Variants in VEZT observed in about 807,000 individuals in gnomAD.
VEZT encodes the protein vezatin.
In VEZT, 39 loss-of-function variants were observed where a neutral mutation model predicts 79.9. The observed-to-expected ratio is 0.49, with a 90% CI of 0.38 to 0.64. VEZT has a LOEUF of 0.64. VEZT is among the 30% of genes least tolerant of loss of function. The probability of loss-of-function intolerance (pLI) is 0.00; values close to 1 mark genes in which losing one functional copy is unlikely to be tolerated. For missense variants in VEZT, 837 were observed against 893.1 expected (o/e 0.94, Z 0.80); for synonymous variants, 325 against 327.6 (o/e 0.99, Z 0.09).
In VEZT at chr12:95,217,858, C is replaced by T; in HGVS notation, c.8C>T (p.Pro3Leu). Residue 3 changes from proline to leucine, a missense_variant, in exon 1 of 12, where the codon CCG becomes CTG. By Grantham distance (98) the Pro-to-Leu change is moderately conservative. Coordinates refer to ENST00000436874, the MANE Select transcript of VEZT (RefSeq NM_017599.4). The part of the protein sequence containing the change: MT[P>L]EFDEEVVFEN... ...GTGGCATGGCGGAGAAGGATGACAC[C>T]GGAGTTTGACGAAGAGGTGGTTTTT... The T allele has an allele frequency of 3.9e-6, 6 of 1,533,906 alleles. No homozygotes were observed. The highest frequency in any genetic ancestry group is 4.4e-6 in the Non-Finnish European group (5 of 1,146,072).
intron 1 of VEZT, 49 bp downstream of exon 1, chr12:95,217,935 C>A: frequency 6.9e-7 from 1 of 1,448,658 alleles, no homozygotes; most frequent in South Asian, 1.5e-5. Context: ...TTGAGAAGGA[C>A]GAGACGGAAA....
chr12:95,284,583 A>T (rs2070109001), intron 8 of VEZT, among the ~76,000 whole-genome samples: 1 of 152,210 alleles, frequency 6.6e-6, no homozygotes, highest in Non-Finnish European at 1.5e-5. Flanking sequence ...GTTTGTCATA[A>T]CCTGACTACA....
rs540675681 is a variant in VEZT at position 95,283,376 on chromosome 12, C to G, written c.1328+732C>G. 2.6e-5 allele frequency among the ~76,000 whole-genome samples: 4 copies of G among 152,250 alleles called. No homozygotes were observed. In the South Asian group the frequency reaches 8.3e-4, roughly 32 times the overall value. On this transcript the variant is annotated intron_variant, in intron 8 of 11. Transcript: ENST00000436874. ...GAAATTTTTCTCTAACAGTTAAATA[C>G]TCATCGTGTAGGACTGGATCAAATG...
chr12:95,220,139 C>T (rs971858925), intron 1 of VEZT, among the ~76,000 whole-genome samples: 1 of 152,116 alleles, frequency 6.6e-6, no homozygotes, highest in Non-Finnish European at 1.5e-5. Context: ...TGAGCACACC[C>T]ATGTAACCAG....
At chr12:95,266,674 T>C in intron 5 of VEZT, 42 bp downstream of exon 5, 1 of 1,512,670 alleles carries the variant, frequency 6.6e-7, no homozygotes, top group Non-Finnish European at 8.8e-7. Flanking sequence ...GATTATTTTC[T>C]ATTCCATAAA....
At chr12:95,277,994 G>A (rs2068138238) in intron 7 of VEZT, among the ~76,000 whole-genome samples, 1 of 152,192 alleles carries the variant, frequency 6.6e-6, no homozygotes, top group African/African-American at 2.4e-5. Context: ...TCTAGCTTAA[G>A]TATAGGCAGC....
chr12:95,293,880 TAGTACCA>T (rs151248678), intron 9 of VEZT: 1,955 of 162,116 alleles, frequency 0.012, 43 homozygotes, highest in African/African-American at 0.044. Context: ...GACAAAGTAT[TAGTACCA>T]AGGATTTTTT....
chr12:95,286,727 C>A, intron 8 of VEZT: 1 of 408,514 alleles, frequency 2.4e-6, no homozygotes, highest in South Asian at 2.0e-5. Context: ...CCCTGCGTGT[C>A]TATCTAGTAC....
intron 1 of VEZT, chr12:95,245,447 G>A (rs571170188): frequency 4.4e-5 from 20 of 453,828 alleles, no homozygotes; most frequent in Middle Eastern, 3.3e-4. Flanking sequence ...TTGATGAACC[G>A]TGGTTTTATC....
chr12:95,229,355 A>G (rs907908762), intron 1 of VEZT, among the ~76,000 whole-genome samples: 2 of 152,212 alleles, frequency 1.3e-5, no homozygotes, highest in Admixed American at 6.5e-5. Flanking sequence ...ATGTGCAGCT[A>G]TATTGAAGGT....
rs1169321066 is a variant in VEZT at position 95,289,097 on chromosome 12, T to TAAAAAAA, written c.1522+1243_1522+1244insAAAAAAA. On this transcript the variant is annotated intron_variant, in intron 9 of 11. Coordinates refer to ENST00000436874, the MANE Select transcript of VEZT (RefSeq NM_017599.4). ...ACTCCGTCTCAAAAAAAAAAATAAA[T>TAAAAAAA]AAATAAATAAATAAATAAATAAATA... is the stretch of plus-strand genomic sequence containing the variant. 1.0e-4 allele frequency among the ~76,000 whole-genome samples: 12 copies of TAAAAAAA among 116,520 alleles called. 1 individual carries two copies. The highest frequency in any genetic ancestry group is 1.9e-4 in the Non-Finnish European group (10 of 52,398). 76.4% of individuals were successfully genotyped at this position (116,520 alleles called of 152,430 possible).
At chr12:95,257,685 C>A (rs931617287) in intron 3 of VEZT, among the ~76,000 whole-genome samples, 5 of 152,130 alleles carry the variant, frequency 3.3e-5, no homozygotes, top group Admixed American at 2.0e-4. Context: ...GGAAATACTT[C>A]AACCTTCTGA....
rs186844694 is a variant in VEZT, at chr12:95,239,657, A to G, written c.37-12283A>G. ...AGCTCGGAGGGTTCAGACAGACAGA[A>G]TAAGTGACATAAGGCCCAGCACGGT... On this transcript the variant is annotated intron_variant, in intron 1 of 11. Coordinates refer to ENST00000436874, the MANE Select transcript of VEZT (RefSeq NM_017599.4). Among the ~76,000 whole-genome samples, 7 of 152,252 alleles carry G rather than the reference A, an allele frequency of 4.6e-5. No individual in the cohort carries two copies. The East Asian group carries it at 1.2e-3, about 25-fold the overall frequency.
chr12:95,246,682 T>A (rs1051334795), intron 1 of VEZT, among the ~76,000 whole-genome samples: 4 of 152,202 alleles, frequency 2.6e-5, no homozygotes, highest in African/African-American at 9.6e-5. Flanking sequence ...CAGCTAAAAC[T>A]TACAGGAATA....
chr12:95,298,586 C>T (rs1341879103), intron 11 of VEZT, among the ~76,000 whole-genome samples: 1 of 152,158 alleles, frequency 6.6e-6, no homozygotes, highest in East Asian at 1.9e-4. Context: ...TGTTATATGT[C>T]AGGCACTGTT....
chr12:95,292,853 T>A (rs1402374776), intron 9 of VEZT, among the ~76,000 whole-genome samples: 6 of 143,586 alleles, frequency 4.2e-5, no homozygotes, highest in Non-Finnish European at 6.1e-5. Flanking sequence ...GGCCCTTTTT[T>A]TTTTTTTTTT....
At chr12:95,265,964 G>A (rs1218707783) in intron 4 of VEZT, among the ~76,000 whole-genome samples, 4 of 152,172 alleles carry the variant, frequency 2.6e-5, no homozygotes, top group East Asian at 1.9e-4. Flanking sequence ...TCCTGCAGGC[G>A]ATGGGTGGTA....
Position 95,281,024 on chromosome 12 carries a change from A to G in VEZT, c.997-1289A>G, listed in dbSNP as rs118010267. 1.1e-3 allele frequency among the ~76,000 whole-genome samples: 166 copies of G among 152,316 alleles called. No homozygotes were observed. In the East Asian group the frequency reaches 0.029, roughly 27 times the overall value. ...ATTTTAAAATTCATTTACTAAAACC[A>G]TCTAAATACTGTCTATTTTCATGGT... On this transcript the variant is annotated intron_variant, in intron 7 of 11. Transcript: ENST00000436874.
intron 9 of VEZT, among the ~76,000 whole-genome samples, chr12:95,288,632 A>G (rs967221319): frequency 1.3e-5 from 2 of 152,222 alleles, no homozygotes; most frequent in Non-Finnish European, 2.9e-5. Flanking sequence ...CTAGATTTGT[A>G]ATAATTTCTT....
Sources: gnomAD v4.1 joint callset for allele counts (sites outside exome capture counted in the v4.1 genomes callset) on GRCh38, gnomAD v4.1.1 for gene constraint, MANE v1.5 for transcripts, NCBI Gene and HGNC (gene_info 2026-07-23, HGNC 2026-07-21) for gene names.